Variants in SCCPDH observed in about 807,000 individuals in gnomAD.
The protein encoded by SCCPDH is saccharopine dehydrogenase-like oxidoreductase.
A neutral mutation model predicts 51.5 loss-of-function variants in SCCPDH; 34 were observed. The ratio of observed to expected loss-of-function variants is 0.66; its 90% CI spans 0.50 to 0.88. SCCPDH has a LOEUF of 0.88. Among genes scored for constraint, SCCPDH ranks in the 40% least tolerant of loss-of-function variants. The pLI is 0.00. For missense variants in SCCPDH, 464 were observed against 527.1 expected, an observed-to-expected ratio of 0.88 and a Z score of 1.17; for synonymous variants, 187 against 191.3, an observed-to-expected ratio of 0.98 and a Z score of 0.19.
intron 5 of SCCPDH, among the ~76,000 whole-genome samples, chr1:246,756,711 A>G (rs1668937921): frequency 6.6e-6 from 1 of 152,214 alleles, no homozygotes; most frequent in African/African-American, 2.4e-5. Context: ...AAAACAGAAG[A>G]AATAAATCTG....
In SCCPDH at chr1:246,744,072, T is replaced by C. The variant is rs1304247241; in HGVS notation, c.515-4T>C. The stretch of plus-strand genomic sequence containing the variant: ...TGCTTTTTACCATTCTCCTACTCTT[T>C]TAGGTACTTTGACTGCTGTGGAAAG... On this transcript the variant is annotated splice_polypyrimidine_tract_variant and splice_region_variant and intron_variant, in intron 4 of 11. Coordinates refer to ENST00000366510, the MANE Select transcript of SCCPDH (RefSeq NM_016002.3). 1.3e-6 allele frequency: 2 copies of C among 1,579,410 alleles called. No individual in the cohort carries two copies. The highest frequency in any genetic ancestry group is 1.7e-6 in the Non-Finnish European group (2 of 1,153,300).
At chr1:246,748,360 C>G (rs1668794267) in intron 5 of SCCPDH, among the ~76,000 whole-genome samples, 1 of 152,206 alleles carries the variant, frequency 6.6e-6, no homozygotes, top group South Asian at 2.1e-4. Context: ...TTAGCTAGTT[C>G]ATGGGACAAA....
rs1668973939 is a variant in SCCPDH, at chr1:246,759,038, C to T, written c.700C>T (p.Pro234Ser). 1 of 1,581,254 alleles carries T rather than the reference C, an allele frequency of 6.3e-7. No homozygotes were observed. The highest frequency in any genetic ancestry group is 1.7e-5 in the Admixed American group (1 of 59,948). ...ATTCATAGGTCTGTCTTGCAGGTGG[C>T]CAATTTCTTATTGTCGGGAACTCAA... ...LIGPKLKRRW[P>S]ISYCRELKGY... Residue 234 changes from proline (P) to serine (S), a missense_variant, in exon 7 of 12, where the codon CCA (proline) becomes TCA (serine). Physicochemically the swap from Pro to Ser is moderately conservative, Grantham distance 74. Coordinates refer to ENST00000366510, the MANE Select transcript of SCCPDH (RefSeq NM_016002.3).
At chr1:246,747,430 A>G (rs1668778399) in intron 5 of SCCPDH, among the ~76,000 whole-genome samples, 1 of 152,208 alleles carries the variant, frequency 6.6e-6, no homozygotes, top group Admixed American at 6.5e-5. Flanking sequence ...TCATGCCTAT[A>G]ATCCCAGCAC....
intron 5 of SCCPDH, among the ~76,000 whole-genome samples, chr1:246,754,598 C>T (rs1004055650): frequency 2.0e-5 from 3 of 152,242 alleles, no homozygotes; most frequent in Non-Finnish European, 2.9e-5. Context: ...ACGTCTCCAG[C>T]AGTCGAGCTC....
At chr1:246,741,312 T>G (rs1030391572) in intron 4 of SCCPDH, among the ~76,000 whole-genome samples, 1 of 152,114 alleles carries the variant, frequency 6.6e-6, no homozygotes, top group African/African-American at 2.4e-5. Flanking sequence ...CTATATAAAA[T>G]TTTAATCCAG....
chr1:246,739,484 G>A (rs973692232), intron 3 of SCCPDH, among the ~76,000 whole-genome samples: 4 of 152,172 alleles, frequency 2.6e-5, no homozygotes, highest in African/African-American at 9.7e-5. Flanking sequence ...CGTAACAACC[G>A]AATGTAATCC....
chr1:246,767,435 A>T lies in SCCPDH; in HGVS notation c.*135A>T. On this transcript the variant is annotated 3_prime_UTR_variant, in exon 12 of 12. Transcript: ENST00000366510. ...AAATCTAAAATATCTATATATTAAA[A>T]AGTAGGAAATTGTCCTAGCTTACCC... The T allele has an allele frequency of 2.1e-6, 1 of 477,194 alleles. No homozygotes were observed. Among genetic ancestry groups the T allele is most frequent in the Non-Finnish European group, 3.5e-6 (1 of 282,636 alleles). 29.6% of individuals were successfully genotyped at this position (477,194 alleles called of 1,614,324 possible). A position where few individuals can be genotyped will look rare whatever the true frequency, so the allele number is the denominator to read the frequency against.
intron 5 of SCCPDH, among the ~76,000 whole-genome samples, chr1:246,754,953 G>T (rs1161322378): frequency 6.6e-6 from 1 of 151,496 alleles, no homozygotes; most frequent in Non-Finnish European, 1.5e-5. Context: ...AGTTTTTATT[G>T]TTCCTGGATA....
chr1:246,750,824 C>T (rs989595475), intron 5 of SCCPDH, among the ~76,000 whole-genome samples: 1 of 152,224 alleles, frequency 6.6e-6, no homozygotes, highest in Non-Finnish European at 1.5e-5. Flanking sequence ...AATCTGGATA[C>T]TTTGGAATGG....
chr1:246,736,109 T>G, intron 3 of SCCPDH, 54 bp downstream of exon 3: 1 of 1,197,248 alleles, frequency 8.4e-7, no homozygotes, highest in South Asian at 1.3e-5. Context: ...TTCGGTTTAA[T>G]GAAGTGGAAA....
chr1:246,746,795 C>T (rs376004706), intron 5 of SCCPDH, among the ~76,000 whole-genome samples: 2 of 152,164 alleles, frequency 1.3e-5, no homozygotes, highest in African/African-American at 2.4e-5. Flanking sequence ...GAGCCGAGAT[C>T]GTGCCACTGC....
chr1:246,751,726 T>A (rs1668852785), intron 5 of SCCPDH, among the ~76,000 whole-genome samples: 1 of 152,160 alleles, frequency 6.6e-6, no homozygotes, highest in South Asian at 2.1e-4. Context: ...CCAGTTAATT[T>A]ACTTTAGGAC....
Position 246,724,456 on chromosome 1 carries a change from GTGT to G in SCCPDH, c.36_38del (p.Phe13del). ...CGAGCAGAGGCCTTTCCACCTGGTG[GTGT>G]TCGGCGCGTCTGGCTTCACCGGCCA... On this transcript the variant is annotated inframe_deletion, in exon 1 of 12. Coordinates refer to ENST00000366510, the MANE Select transcript of SCCPDH (RefSeq NM_016002.3). The G allele has an allele frequency of 6.3e-7, 1 of 1,590,680 alleles. No homozygotes were observed. The highest frequency in any genetic ancestry group is 8.5e-7 in the Non-Finnish European group (1 of 1,171,218).
At chr1:246,750,095 C>T (rs981637599) in intron 5 of SCCPDH, among the ~76,000 whole-genome samples, 27 of 152,160 alleles carry the variant, frequency 1.8e-4, no homozygotes, top group African/African-American at 6.5e-4. Context: ...TGTAATGAGT[C>T]CATCCTCTTT....
chr1:246,726,247 A>AT (rs1380618719), intron 1 of SCCPDH, among the ~76,000 whole-genome samples: 37 of 151,974 alleles, frequency 2.4e-4, no homozygotes, highest in African/African-American at 8.4e-4. Flanking sequence ...GAGAAACTTT[A>AT]TTTTTTTAAA....
chr1:246,733,491 T>TACACAC lies in SCCPDH; in HGVS notation c.304-2467_304-2462dup, dbSNP rs57989437. Among the ~76,000 whole-genome samples the TACACAC allele has an allele frequency of 3.2e-3, 478 of 148,932 alleles. 2 individuals are homozygous for TACACAC. The highest frequency in any genetic ancestry group is 0.011 in the South Asian group (51 of 4,682). On this transcript the variant is annotated intron_variant, in intron 2 of 11. Coordinates refer to ENST00000366510, the MANE Select transcript of SCCPDH (RefSeq NM_016002.3). ...ATATAGTCCGTAGCATCATATTTTA[T>TACACAC]ACACACACACACACACACACACTTT...
At chr1:246,730,219 C>T (rs1263202013) in intron 2 of SCCPDH, among the ~76,000 whole-genome samples, 1 of 152,184 alleles carries the variant, frequency 6.6e-6, no homozygotes, top group African/African-American at 2.4e-5. Flanking sequence ...TGAAACTACT[C>T]TGCTAAAGTC....
rs1438646468 is a variant in SCCPDH, at chr1:246,759,052, T to G, written c.714T>G (p.Cys238Trp). The G allele has an allele frequency of 6.2e-7, 1 of 1,605,674 alleles. No individual in the cohort carries two copies. Among genetic ancestry groups the G allele is most frequent in the Non-Finnish European group, 8.5e-7 (1 of 1,172,378 alleles). ...CTTGCAGGTGGCCAATTTCTTATTG[T>G]CGGGAACTCAAAGGTTATTCCATTC... ...KLKRRWPISYCRELKGYSIPF... is the reference protein window; with the variant it reads ...KLKRRWPISYWRELKGYSIPF... The change falls in exon 7 of 12, where the codon TGT becomes TGG. Residue 238 changes from cysteine (C) to tryptophan (W), a missense_variant. By Grantham distance (215) the Cys-to-Trp change is radical. Coordinates refer to ENST00000366510, the MANE Select transcript of SCCPDH (RefSeq NM_016002.3).
Sources: allele counts gnomAD v4.1 joint callset (sites outside exome capture counted in the v4.1 genomes callset), GRCh38; gene constraint gnomAD v4.1.1; transcripts MANE v1.5; gene names NCBI Gene and HGNC (gene_info 2026-07-23, HGNC 2026-07-21).